MS4A5: variants seen among roughly 807,000 people sequenced by gnomAD.
MS4A5 encodes membrane-spanning 4-domains subfamily A member 5.
MS4A5 carries 15 observed loss-of-function variants against 18.2 expected under a neutral mutation model. The observed-to-expected ratio is 0.83, with a 90% CI of 0.55 to 1.27. The LOEUF (loss-of-function observed/expected upper bound fraction) is 1.27. MS4A5 is among the 50% of genes most tolerant of loss of function. The probability of loss-of-function intolerance (pLI) is 0.00; values close to 1 mark genes in which losing one functional copy is unlikely to be tolerated. For synonymous variants in MS4A5, 89 were observed against 78.7 expected, an observed-to-expected ratio of 1.13 and a Z score of -0.69; for missense variants, 232 against 225.7, an observed-to-expected ratio of 1.03 and a Z score of -0.18.
At chr11:60,431,497 G>T (rs1010316150) in intron 2 of MS4A5, among the ~76,000 whole-genome samples, 2 of 152,146 alleles carry the variant, frequency 1.3e-5, no homozygotes, top group South Asian at 2.1e-4. Context: ...ATGGCTTCAG[G>T]GAAAAGAAAG....
chr11:60,436,460 G>T (rs553138452), intron 4 of MS4A5, among the ~76,000 whole-genome samples: 2 of 137,806 alleles, frequency 1.5e-5, no homozygotes, highest in African/African-American at 5.0e-5. Flanking sequence ...GGCTTCAGAC[G>T]ATCAAATTAC....
In MS4A5 at chr11:60,429,746, G is replaced by A. The variant is rs998930687; in HGVS notation, c.72G>A (p.Glu24=). Residue 24 remains glutamate, a synonymous_variant, in exon 1 of 5, where the codon GAG becomes GAA. Coordinates refer to ENST00000300190, the MANE Select transcript of MS4A5 (RefSeq NM_023945.3). The part of the protein sequence containing the change: ...FPPEITASEY[E]STELSATTFS... ...CAGAAATCACTGCTTCAGAATATGAGTCCACAGAACTTTCAGCCACGACCT... is the reference window on the plus strand; with the variant it reads ...CAGAAATCACTGCTTCAGAATATGAATCCACAGAACTTTCAGCCACGACCT... The A allele has an allele frequency of 1.9e-6, 3 of 1,613,906 alleles. No individual in the cohort carries two copies. The highest frequency in any genetic ancestry group is 2.5e-6 in the Non-Finnish European group (3 of 1,179,968).
At chr11:60,447,195 C>T (rs1411048870) in intron 4 of MS4A5, among the ~76,000 whole-genome samples, 1 of 151,602 alleles carries the variant, frequency 6.6e-6, no homozygotes, top group East Asian at 1.9e-4. Flanking sequence ...CTATCCTATG[C>T]TATGCTATCC....
At chr11:60,437,738 A>G (rs1456215765) in intron 4 of MS4A5, among the ~76,000 whole-genome samples, 2 of 151,722 alleles carry the variant, frequency 1.3e-5, no homozygotes, top group African/African-American at 4.8e-5. Flanking sequence ...CTGAATATAT[A>G]TGCACCCAAT....
chr11:60,444,660 G>A (rs1032816559), intron 4 of MS4A5, among the ~76,000 whole-genome samples: 3 of 152,142 alleles, frequency 2.0e-5, no homozygotes, highest in Admixed American at 6.5e-5. Flanking sequence ...ATATGAGAAC[G>A]TGCTCAACAT....
At chr11:60,435,707 T>C (rs1312093061) in intron 4 of MS4A5, among the ~76,000 whole-genome samples, 2 of 152,112 alleles carry the variant, frequency 1.3e-5, no homozygotes, top group Non-Finnish European at 2.9e-5. Flanking sequence ...CCCACCCGAA[T>C]ACTGCGCTTT....
At chr11:60,444,410 A>G (rs138826548) in intron 4 of MS4A5, among the ~76,000 whole-genome samples, 1 of 152,252 alleles carries the variant, frequency 6.6e-6, no homozygotes, top group Non-Finnish European at 1.5e-5. Context: ...ATGGTAGTAG[A>G]CAAAGCTTTC....
chr11:60,438,005 T>C (rs1374981979), intron 4 of MS4A5, among the ~76,000 whole-genome samples: 4 of 152,090 alleles, frequency 2.6e-5, no homozygotes, highest in Non-Finnish European at 4.4e-5. Flanking sequence ...TATTCCAAAA[T>C]TGACCACATA....
At chr11:60,433,240 T>C (rs1231336129) in intron 3 of MS4A5, among the ~76,000 whole-genome samples, 1 of 152,194 alleles carries the variant, frequency 6.6e-6, no homozygotes, top group Non-Finnish European at 1.5e-5. Context: ...AAATAAAGAA[T>C]ACAGTGCTAC....
At chr11:60,438,276 A>G (rs1233711278) in intron 4 of MS4A5, among the ~76,000 whole-genome samples, 4 of 152,332 alleles carry the variant, frequency 2.6e-5, no homozygotes, top group Admixed American at 2.6e-4. Flanking sequence ...TCAAAGCAGG[A>G]TGTAGAGGGA....
At chr11:60,429,895 G>A (rs2086039306) in intron 1 of MS4A5, 68 bp downstream of exon 1, 2 of 1,460,970 alleles carry the variant, frequency 1.4e-6, no homozygotes, top group East Asian at 4.5e-5. Flanking sequence ...TTATCTGTTG[G>A]CACATGTTTG....
At chr11:60,438,632 A>C (rs1254535970) in intron 4 of MS4A5, among the ~76,000 whole-genome samples, 1 of 152,158 alleles carries the variant, frequency 6.6e-6, no homozygotes, top group Non-Finnish European at 1.5e-5. Context: ...ACCATCAGAG[A>C]ATACTACAAA....
chr11:60,443,503 T>C (rs974639502), intron 4 of MS4A5, among the ~76,000 whole-genome samples: 1 of 151,954 alleles, frequency 6.6e-6, no homozygotes, highest in African/African-American at 2.4e-5. Context: ...CAAAGGCAAG[T>C]ATTGGGAAGG....
rs150606813 is a variant in MS4A5 at position 60,446,001 on chromosome 11, C to T, written c.493-1648C>T. 5.2e-3 allele frequency among the ~76,000 whole-genome samples: 798 copies of T among 152,246 alleles called. 1 individual carries two copies. The highest frequency in any genetic ancestry group is 0.018 in the African/African-American group (757 of 41,536). On this transcript the variant is annotated intron_variant, in intron 4 of 4. Coordinates refer to ENST00000300190, the MANE Select transcript of MS4A5 (RefSeq NM_023945.3). ...TAAACAGACCTTTTAACCCAGATGT[C>T]TATCTCTACAGTAATTAAACCACCT...
chr11:60,430,234 A>C (rs2086040832), intron 1 of MS4A5, among the ~76,000 whole-genome samples: 1 of 148,574 alleles, frequency 6.7e-6, no homozygotes, highest in African/African-American at 2.5e-5. Flanking sequence ...ACAGTGCATC[A>C]CATGAGTGGC....
At position 60,447,648 on chromosome 11, in the gene MS4A5, G is replaced by A; in HGVS notation, c.493-1G>A. The A allele has an allele frequency of 6.5e-7, 1 of 1,528,110 alleles. No individual in the cohort carries two copies. The highest frequency in any genetic ancestry group is 8.9e-7 in the Non-Finnish European group (1 of 1,129,684). 94.7% of individuals were successfully genotyped at this position (1,528,110 alleles called of 1,614,324 possible). A position where few individuals can be genotyped will look rare whatever the true frequency, so the allele number is the denominator to read the frequency against. On this transcript the variant is annotated splice_acceptor_variant, in intron 4 of 4. Transcript: ENST00000300190. LOFTEE classifies it high-confidence loss of function. ...TTTTTTTTCTTCTTCTTCTATTACA[G>A]GGAATTTTGATTACATTGATGACTT...
intron 4 of MS4A5, among the ~76,000 whole-genome samples, chr11:60,434,155 A>G (rs897041679): frequency 3.3e-5 from 5 of 152,060 alleles, no homozygotes; most frequent in Non-Finnish European, 7.3e-5. Flanking sequence ...TAAAACATAC[A>G]CAAATCAGTA....
chr11:60,442,479 A>G (rs1009609866), intron 4 of MS4A5, among the ~76,000 whole-genome samples: 2 of 152,044 alleles, frequency 1.3e-5, no homozygotes, highest in Non-Finnish European at 2.9e-5. Context: ...ATCACACACC[A>G]AGGCCTGTTG....
chr11:60,430,651 G>A (rs115037760), intron 1 of MS4A5, 145 bp from the exon 2 acceptor site: 11 of 848,152 alleles, frequency 1.3e-5, no homozygotes, highest in African/African-American at 1.7e-5. Context: ...GTACCCAGGA[G>A]CATCATAAAG....
Sources: gnomAD v4.1 joint callset for allele counts (sites outside exome capture counted in the v4.1 genomes callset) on GRCh38, gnomAD v4.1.1 for gene constraint, MANE v1.5 for transcripts, NCBI Gene and HGNC (gene_info 2026-07-23, HGNC 2026-07-21) for gene names.